Variants in ACOXL observed in about 807,000 individuals in gnomAD.
ACOXL encodes the protein acyl-coenzyme A oxidase-like protein.
In ACOXL, 70 loss-of-function variants were observed where a neutral mutation model predicts 71.9. The observed-to-expected ratio is 0.97, with a 90% confidence interval of 0.80 to 1.19. The LOEUF is 1.19. Ranked by LOEUF, ACOXL falls within the 50% of genes most tolerant of loss-of-function variation. ACOXL has a pLI of 0.00. For missense variants in ACOXL, 703 were observed against 736.3 expected (o/e 0.95, Z 0.52); for synonymous variants, 253 against 281.6 (o/e 0.90, Z 1.02).
intron 16 of ACOXL, among the ~76,000 whole-genome samples, chr2:111,070,840 T>TGTGGCCTGTTCCTGCTTTCCCTC (rs1371313074): frequency 1.6e-4 from 25 of 152,192 alleles, no homozygotes; most frequent in Non-Finnish European, 3.4e-4. Flanking sequence ...TCTGACTGTC[T>TGTGGCCTGTTCCTGCTTTCCCTC]GTGGCCTGTT....
chr2:110,866,212 T>A (rs1694567831), intron 10 of ACOXL, among the ~76,000 whole-genome samples: 1 of 151,790 alleles, frequency 6.6e-6, no homozygotes, highest in African/African-American at 2.4e-5. Context: ...AAGCCAGGCA[T>A]GGGATGGGAG....
chr2:110,898,207 A>G (rs1253808396), intron 10 of ACOXL, among the ~76,000 whole-genome samples: 1 of 152,184 alleles, frequency 6.6e-6, no homozygotes, highest in African/African-American at 2.4e-5. Context: ...TTTAGAAAAC[A>G]GAAGCAGAAA....
chr2:110,770,023 C>G (rs1269774927), intron 2 of ACOXL, among the ~76,000 whole-genome samples: 2 of 152,010 alleles, frequency 1.3e-5, no homozygotes, highest in East Asian at 1.9e-4. Flanking sequence ...GCCTGGGCAA[C>G]CGGAGTGAGA....
intron 10 of ACOXL, chr2:110,887,054 C>G (rs1453937506): frequency 3.8e-6 from 2 of 532,858 alleles, no homozygotes; most frequent in Non-Finnish European, 6.5e-6. Flanking sequence ...CACGGGTCTG[C>G]TGTGTATGTC....
chr2:111,060,317 G>T (rs1333640085), intron 16 of ACOXL, among the ~76,000 whole-genome samples: 1 of 152,104 alleles, frequency 6.6e-6, no homozygotes, highest in African/African-American at 2.4e-5. Flanking sequence ...TTAACCACTG[G>T]CTCCAATAGT....
chr2:110,994,120 CAT>C, intron 13 of ACOXL, among the ~76,000 whole-genome samples: 1 of 152,338 alleles, frequency 6.6e-6, no homozygotes, highest in Non-Finnish European at 1.5e-5. Context: ...GGTGGACAAA[CAT>C]GTTCTACAGT....
intron 13 of ACOXL, among the ~76,000 whole-genome samples, chr2:110,987,440 T>C (rs2062982526): frequency 6.6e-6 from 1 of 152,252 alleles, no homozygotes; most frequent in African/African-American, 2.4e-5. Flanking sequence ...CTTTATTTCA[T>C]GTTCACTGTT....
chr2:110,799,825 A>G (rs899225991), intron 7 of ACOXL, among the ~76,000 whole-genome samples: 1 of 152,248 alleles, frequency 6.6e-6, no homozygotes, highest in Admixed American at 6.5e-5. Context: ...AAATGCACCA[A>G]TCAGTGCTGT....
intron 8 of ACOXL, among the ~76,000 whole-genome samples, chr2:110,804,025 C>T (rs1323871126): frequency 2.9e-5 from 4 of 139,648 alleles, no homozygotes; most frequent in Non-Finnish European, 4.5e-5. Flanking sequence ...CTTGCTGTGT[C>T]GCCCAGGCTG....
intron 12 of ACOXL, among the ~76,000 whole-genome samples, chr2:110,975,994 C>A (rs72944297): frequency 0.06 from 9,168 of 151,920 alleles, 646 homozygotes; most frequent in East Asian, 0.35. Context: ...TACAGAGAGG[C>A]AGTCAAATGA....
At chr2:110,761,340 G>A (rs1680379128) in intron 1 of ACOXL, among the ~76,000 whole-genome samples, 1 of 152,060 alleles carries the variant, frequency 6.6e-6, no homozygotes, top group African/African-American at 2.4e-5. Context: ...CCATTGACTG[G>A]TTCTGAGAAT....
intron 15 of ACOXL, among the ~76,000 whole-genome samples, chr2:111,041,015 C>T (rs1353168453): frequency 1.3e-5 from 2 of 151,902 alleles, no homozygotes; most frequent in Middle Eastern, 3.2e-3. Flanking sequence ...AGCAGGCCTG[C>T]GTGGAGGGGT....
At chr2:110,915,350 A>ATATATATATATATATG (rs1491355100) in intron 11 of ACOXL, among the ~76,000 whole-genome samples, 81 of 113,616 alleles carry the variant, frequency 7.1e-4, no homozygotes, top group East Asian at 2.7e-3. Context: ...ATATATATAT[A>ATATATATATATATATG]TGTGTGTGTG....
At chr2:110,784,951 T>C in intron 3 of ACOXL, 136 bp downstream of exon 3, 2 of 589,830 alleles carry the variant, frequency 3.4e-6, no homozygotes, top group Non-Finnish European at 5.4e-6. Flanking sequence ...CCTCAAAACC[T>C]GTGCCTGACT....
chr2:111,000,826 A>G (rs985749210), intron 14 of ACOXL, among the ~76,000 whole-genome samples: 1 of 152,196 alleles, frequency 6.6e-6, no homozygotes, highest in African/African-American at 2.4e-5. Context: ...TTTTAACTTG[A>G]TTAGCTCTGC....
intron 1 of ACOXL, among the ~76,000 whole-genome samples, chr2:110,755,070 C>G (rs1376758453): frequency 1.3e-5 from 2 of 152,074 alleles, no homozygotes; most frequent in African/African-American, 4.8e-5. Flanking sequence ...GGTTTGCAGG[C>G]TTATTCTTAG....
chr2:110,904,344 G>A (rs183164995), intron 10 of ACOXL, among the ~76,000 whole-genome samples: 81 of 152,294 alleles, frequency 5.3e-4, no homozygotes, highest in African/African-American at 1.9e-3. Context: ...TTTGTTCAGA[G>A]CATCTAATGA....
At chr2:111,096,179 A>G (rs1291091761) in intron 17 of ACOXL, among the ~76,000 whole-genome samples, 2 of 151,946 alleles carry the variant, frequency 1.3e-5, no homozygotes, top group African/African-American at 2.4e-5. Flanking sequence ...TGGTTACCCC[A>G]TCCTCCCAGT....
intron 12 of ACOXL, among the ~76,000 whole-genome samples, chr2:110,933,868 A>T (rs900504526): frequency 1.3e-5 from 2 of 152,232 alleles, no homozygotes; most frequent in African/African-American, 2.4e-5. Context: ...CCATGAAGGC[A>T]CACAATAAAT....
Sources: gnomAD v4.1 joint callset for allele counts (sites outside exome capture counted in the v4.1 genomes callset) on GRCh38, gnomAD v4.1.1 for gene constraint, MANE v1.5 for transcripts, NCBI Gene and HGNC (gene_info 2026-07-23, HGNC 2026-07-21) for gene names.